ZBTB7C: variants seen among roughly 807,000 people sequenced by gnomAD.
ZBTB7C encodes zinc finger and BTB domain-containing protein 7C.
A neutral mutation model predicts 25.7 loss-of-function variants in ZBTB7C; 8 were observed. That is an observed-to-expected ratio of 0.31 (90% CI 0.18 to 0.56). The LOEUF (loss-of-function observed/expected upper bound fraction) is 0.56. Ranked by LOEUF, ZBTB7C falls within the 20% of genes least tolerant of loss-of-function variation. ZBTB7C has a pLI of 0.91. For synonymous variants in ZBTB7C, 394 were observed against 369.0 expected (o/e 1.07, Z -0.78); for missense variants, 824 against 855.2 (o/e 0.96, Z 0.46).
At chr18:48,249,377 G>T (rs1025091479) in intron 2 of ZBTB7C, among the ~76,000 whole-genome samples, 2 of 152,184 alleles carry the variant, frequency 1.3e-5, no homozygotes, top group Non-Finnish European at 2.9e-5. Flanking sequence ...ACATTAAGGG[G>T]AATGGTTTAA....
rs1368647932 is a variant in ZBTB7C, at chr18:48,027,079, C to T, written c.*2181G>A. The T allele has an allele frequency of 4.7e-5, 7 of 148,714 alleles. No homozygotes were observed. Among genetic ancestry groups the T allele is most frequent in the Non-Finnish European group, 8.9e-5 (6 of 67,460 alleles). 9.2% of individuals were successfully genotyped at this position (148,714 alleles called of 1,614,324 possible). A position where few individuals can be genotyped will look rare whatever the true frequency, so the allele number is the denominator to read the frequency against. On this transcript the variant is annotated 3_prime_UTR_variant, in exon 5 of 5. Coordinates refer to ENST00000590800, the MANE Select transcript of ZBTB7C (RefSeq NM_001318841.2). ...AAATAGAAAAAATTCCAAAGTTCTCCCACAGACAGACAGGGAAATTGAAAC... is the reference window on the plus strand; with the variant it reads ...AAATAGAAAAAATTCCAAAGTTCTCTCACAGACAGACAGGGAAATTGAAAC...
At chr18:48,192,229 G>A (rs1383940782) in intron 2 of ZBTB7C, among the ~76,000 whole-genome samples, 1 of 152,176 alleles carries the variant, frequency 6.6e-6, no homozygotes, top group African/African-American at 2.4e-5. Flanking sequence ...CATACTGTCT[G>A]ATTCCAACTA....
At chr18:48,105,330 T>C (rs1568221910) in intron 3 of ZBTB7C, among the ~76,000 whole-genome samples, 2 of 152,210 alleles carry the variant, frequency 1.3e-5, no homozygotes, top group South Asian at 4.1e-4. Context: ...CTGAATTGAA[T>C]CAGACTCTCT....
chr18:48,237,385 T>C (rs985959775), intron 2 of ZBTB7C, among the ~76,000 whole-genome samples: 4 of 151,826 alleles, frequency 2.6e-5, no homozygotes, highest in South Asian at 2.1e-4. Flanking sequence ...ACAGTACAAA[T>C]GTGGGGAGCT....
intron 3 of ZBTB7C, among the ~76,000 whole-genome samples, chr18:48,172,955 T>C (rs956119334): frequency 3.9e-5 from 6 of 152,306 alleles, no homozygotes; most frequent in East Asian, 1.9e-4. Flanking sequence ...GGCACAGCCA[T>C]GAACTCACTG....
At chr18:48,288,038 T>C (rs986891959) in intron 2 of ZBTB7C, among the ~76,000 whole-genome samples, 6 of 152,194 alleles carry the variant, frequency 3.9e-5, no homozygotes, top group African/African-American at 1.4e-4. Context: ...TACTCTGTAA[T>C]GGATATCCTT....
intron 3 of ZBTB7C, among the ~76,000 whole-genome samples, chr18:48,062,334 G>A (rs549473126): frequency 6.6e-6 from 1 of 152,126 alleles, no homozygotes; most frequent in East Asian, 1.9e-4. Context: ...TCCCCAGGGA[G>A]GACCTGGATT....
chr18:48,281,692 C>A (rs2044856014), intron 2 of ZBTB7C, among the ~76,000 whole-genome samples: 1 of 151,820 alleles, frequency 6.6e-6, no homozygotes, highest in Non-Finnish European at 1.5e-5. Flanking sequence ...TTTATGCAGC[C>A]AAAAAACACA....
chr18:48,100,507 A>T (rs1366494106), intron 3 of ZBTB7C, among the ~76,000 whole-genome samples: 1 of 152,078 alleles, frequency 6.6e-6, no homozygotes, highest in Non-Finnish European at 1.5e-5. Context: ...CTTTTTTATC[A>T]CAGACTGTAT....
chr18:48,179,754 C>T (rs2041826559), intron 3 of ZBTB7C, among the ~76,000 whole-genome samples: 1 of 147,276 alleles, frequency 6.8e-6, no homozygotes, highest in Admixed American at 6.8e-5. Context: ...TCCTTCCTCC[C>T]TTCACTGCAA....
At chr18:48,269,823 C>T (rs1348550793) in intron 2 of ZBTB7C, among the ~76,000 whole-genome samples, 1 of 152,180 alleles carries the variant, frequency 6.6e-6, no homozygotes, top group Non-Finnish European at 1.5e-5. Context: ...TTGGTGATTT[C>T]CTTCTGAGCC....
rs1351474419 is a variant in ZBTB7C at position 48,316,992 on chromosome 18, G to A, written c.-79+21182C>T. Among the ~76,000 whole-genome samples, 3 of 152,328 alleles carry A rather than the reference G, an allele frequency of 2.0e-5. No homozygotes were observed. The East Asian group carries it at 5.8e-4, about 29-fold the overall frequency. ...CTTGCACATAGAAGACACTCAACAA[G>A]CCAGGTGCAGTGGCTCACGCCTGTA... On this transcript the variant is annotated intron_variant, in intron 2 of 4. Coordinates refer to ENST00000590800, the MANE Select transcript of ZBTB7C (RefSeq NM_001318841.2).
At chr18:48,107,945 G>C (rs2039091930) in intron 3 of ZBTB7C, among the ~76,000 whole-genome samples, 1 of 152,110 alleles carries the variant, frequency 6.6e-6, no homozygotes, top group Non-Finnish European at 1.5e-5. Flanking sequence ...AGGTTCCCAG[G>C]GATTGATTTT....
At chr18:48,177,503 C>G (rs1345564161) in intron 3 of ZBTB7C, among the ~76,000 whole-genome samples, 2 of 152,158 alleles carry the variant, frequency 1.3e-5, no homozygotes, top group Non-Finnish European at 2.9e-5. Context: ...ACAGTGCCAT[C>G]ATTCTTGTGT....
intron 1 of ZBTB7C, among the ~76,000 whole-genome samples, chr18:48,346,111 C>T (rs912179016): frequency 4.6e-5 from 7 of 152,020 alleles, no homozygotes; most frequent in Admixed American, 4.6e-4. Context: ...TGTTTACATG[C>T]TTCTCTTCCT....
At chr18:48,274,896 A>C (rs1248914794) in intron 2 of ZBTB7C, among the ~76,000 whole-genome samples, 1 of 152,026 alleles carries the variant, frequency 6.6e-6, no homozygotes, top group Non-Finnish European at 1.5e-5. Context: ...CTGAGGAGCT[A>C]TTTGCAAAGG....
At chr18:48,314,680 A>G (rs918252562) in intron 2 of ZBTB7C, among the ~76,000 whole-genome samples, 2 of 152,098 alleles carry the variant, frequency 1.3e-5, no homozygotes. Flanking sequence ...ATCCCCTTCA[A>G]CAAGGGCTCT....
At chr18:48,343,201 C>G (rs1407467067) in intron 1 of ZBTB7C, among the ~76,000 whole-genome samples, 1 of 152,120 alleles carries the variant, frequency 6.6e-6, no homozygotes, top group Non-Finnish European at 1.5e-5. Flanking sequence ...CAGGTACCTT[C>G]TACTACTAGA....
At chr18:48,083,477 T>A in intron 3 of ZBTB7C, among the ~76,000 whole-genome samples, 1 of 151,486 alleles carries the variant, frequency 6.6e-6, no homozygotes, top group Non-Finnish European at 1.5e-5. Context: ...CACCTCCTCA[T>A]ACAGAGGCAG....
Sources: gnomAD v4.1 joint callset for allele counts (sites outside exome capture counted in the v4.1 genomes callset) on GRCh38, gnomAD v4.1.1 for gene constraint, MANE v1.5 for transcripts, NCBI Gene and HGNC (gene_info 2026-07-23, HGNC 2026-07-21) for gene names.